Variants in ADGRA3 observed in about 807,000 individuals in gnomAD.
ADGRA3 encodes the protein G-protein coupled receptor 125.
A neutral mutation model predicts 119.8 loss-of-function variants in ADGRA3; 56 were observed. That is an observed-to-expected ratio of 0.47 (90% confidence interval 0.38 to 0.58). The LOEUF is 0.58. Among genes scored for constraint, ADGRA3 ranks in the 20% least tolerant of loss-of-function variants. The pLI is 0.00. For synonymous variants in ADGRA3, 607 were observed against 623.8 expected (o/e 0.97, Z 0.40); for missense variants, 1,516 against 1,649.0 (o/e 0.92, Z 1.40).
At chr4:22,435,205 G>C in intron 10 of ADGRA3, 106 bp downstream of exon 10, 1 of 955,748 alleles carries the variant, frequency 1.0e-6, no homozygotes, top group Non-Finnish European at 1.6e-6. Flanking sequence ...CATGCTTTTA[G>C]CTCAAATATG....
chr4:22,482,583 C>G (rs1340800171), intron 1 of ADGRA3, among the ~76,000 whole-genome samples: 2 of 151,870 alleles, frequency 1.3e-5, no homozygotes, highest in Non-Finnish European at 2.9e-5. Context: ...GAGGATTGCT[C>G]AAGCCCAGGG....
At chr4:22,388,992 C>T (rs1009552558) in intron 18 of ADGRA3, 45 bp from the exon 19 acceptor site, 1 of 1,603,696 alleles carries the variant, frequency 6.2e-7, no homozygotes, top group Non-Finnish European at 8.5e-7. Context: ...CATGTTTCAA[C>T]AAATTATCTA....
At position 22,388,802 on chromosome 4, in the gene ADGRA3, C is replaced by A; in HGVS notation, c.2869G>T (p.Glu957Ter). ...TTGGCTGCCAATCTCTGTTGCTCCT[C>A]CGTGGGCTCCTTAAGCTCATATTTG... The part of the protein sequence containing the change: ...ERKYELKEPT[E>*]EQQRLAANEN... The change falls in exon 19 of 19, where the codon GAG becomes TAG. Residue 957 changes from glutamate to a stop codon, truncating the protein, a stop_gained. Transcript: ENST00000334304. LOFTEE classifies it high-confidence loss of function. The A allele has an allele frequency of 6.2e-7, 1 of 1,614,096 alleles. No homozygotes were observed. The highest frequency in any genetic ancestry group is 1.1e-5 in the South Asian group (1 of 91,074).
rs1038632561 is a variant in ADGRA3 at position 22,509,553 on chromosome 4, T to G, written c.257+5975A>C. 3.3e-5 allele frequency among the ~76,000 whole-genome samples: 5 copies of G among 151,102 alleles called. No homozygotes were observed. In the East Asian group the frequency reaches 9.8e-4, roughly 30 times the overall value. On this transcript the variant is annotated intron_variant, in intron 1 of 18. Transcript: ENST00000334304. ...AAAAAAGCATGCAGTTCACTCAGCA[T>G]CTTCACTTAGCACCTTCCCCCGTAG... is the stretch of plus-strand genomic sequence containing the variant.
chr4:22,473,680 G>T, intron 2 of ADGRA3, 92 bp downstream of exon 2: 1 of 702,920 alleles, frequency 1.4e-6, no homozygotes, highest in East Asian at 2.9e-5. Flanking sequence ...ATTTTGAATA[G>T]CTGGGAATTT....
intron 4 of ADGRA3, among the ~76,000 whole-genome samples, chr4:22,450,952 ATAT>A (rs1159656728): frequency 9.9e-5 from 11 of 111,584 alleles, no homozygotes; most frequent in African/African-American, 4.2e-4. Context: ...AAAAAAAAAA[ATAT>A]ATATATATAT....
At position 22,498,305 on chromosome 4, in the gene ADGRA3, C is replaced by T. The variant is rs188731334; in HGVS notation, c.257+17223G>A. On this transcript the variant is annotated intron_variant, in intron 1 of 18. Coordinates refer to ENST00000334304, the MANE Select transcript of ADGRA3 (RefSeq NM_145290.4). The stretch of plus-strand genomic sequence containing the variant: ...AGTGTTCAGATCCTAAAGACAGGAA[C>T]TCAGGGACAAAAAAAGAAAACCAGT... Among the ~76,000 whole-genome samples the T allele has an allele frequency of 1.4e-4, 21 of 151,960 alleles. No homozygotes were observed. The East Asian group carries it at 3.7e-3, about 27-fold the overall frequency.
chr4:22,457,018 A>G (rs1298529842), intron 3 of ADGRA3, among the ~76,000 whole-genome samples: 1 of 152,208 alleles, frequency 6.6e-6, no homozygotes, highest in Non-Finnish European at 1.5e-5. Context: ...ATAAACAAGC[A>G]TATCTAGGCT....
chr4:22,433,986 T>G (rs16898697), intron 10 of ADGRA3, among the ~76,000 whole-genome samples: 1,914 of 152,182 alleles, frequency 0.013, 41 homozygotes, highest in African/African-American at 0.043. Flanking sequence ...AGGTGGCCTA[T>G]TTGCCTAAGT....
intron 2 of ADGRA3, 80 bp downstream of exon 2, chr4:22,473,692 G>T: frequency 1.2e-6 from 1 of 801,718 alleles, no homozygotes; most frequent in Non-Finnish European, 1.9e-6. Flanking sequence ...TGGGAATTTA[G>T]TCACAGATTT....
At chr4:22,510,072 G>C (rs1012495761) in intron 1 of ADGRA3, among the ~76,000 whole-genome samples, 13 of 149,724 alleles carry the variant, frequency 8.7e-5, no homozygotes, top group Non-Finnish European at 1.6e-4. Flanking sequence ...CCCAAGCTTA[G>C]AACTCCAAAC....
At chr4:22,412,939 T>C (rs1027723714) in intron 14 of ADGRA3, among the ~76,000 whole-genome samples, 1 of 152,148 alleles carries the variant, frequency 6.6e-6, no homozygotes, top group African/African-American at 2.4e-5. Flanking sequence ...GATTGACTTA[T>C]AAAGTTGATT....
chr4:22,487,748 ACCTG>A (rs1380796758), intron 1 of ADGRA3, among the ~76,000 whole-genome samples: 7 of 152,296 alleles, frequency 4.6e-5, no homozygotes, highest in African/African-American at 1.7e-4. Context: ...GGCAAGCACT[ACCTG>A]CCAAATAAAA....
intron 1 of ADGRA3, among the ~76,000 whole-genome samples, chr4:22,489,744 A>C (rs1229468137): frequency 6.6e-6 from 1 of 152,186 alleles, no homozygotes; most frequent in East Asian, 1.9e-4. Flanking sequence ...AGATTTGGTG[A>C]ATGGGGGAGA....
chr4:22,407,929 T>C (rs1027025425), intron 14 of ADGRA3, among the ~76,000 whole-genome samples: 7 of 152,108 alleles, frequency 4.6e-5, no homozygotes, highest in African/African-American at 1.4e-4. Context: ...TGGAAAGGAA[T>C]CCAAAGAAAA....
chr4:22,416,592 T>C (rs530717854), intron 12 of ADGRA3, among the ~76,000 whole-genome samples: 1 of 152,192 alleles, frequency 6.6e-6, no homozygotes, highest in East Asian at 1.9e-4. Flanking sequence ...GAACTGTCGG[T>C]GGTATTTTTT....
intron 1 of ADGRA3, among the ~76,000 whole-genome samples, chr4:22,491,052 G>A (rs955922586): frequency 6.6e-6 from 1 of 152,146 alleles, no homozygotes; most frequent in Non-Finnish European, 1.5e-5. Context: ...GCAGGCAGAC[G>A]TTCTGGGTGT....
chr4:22,455,691 G>T, intron 3 of ADGRA3: 2 of 422,262 alleles, frequency 4.7e-6, no homozygotes, highest in African/African-American at 2.0e-5. Flanking sequence ...TATTTACTTT[G>T]CTTGACATCA....
intron 2 of ADGRA3, among the ~76,000 whole-genome samples, chr4:22,465,473 T>C (rs1717621416): frequency 6.6e-6 from 1 of 152,194 alleles, no homozygotes; most frequent in Non-Finnish European, 1.5e-5. Context: ...ACGGCCCTGT[T>C]GCTACAATCT....
Sources: gnomAD v4.1 joint callset for allele counts (sites outside exome capture counted in the v4.1 genomes callset) on GRCh38, gnomAD v4.1.1 for gene constraint, MANE v1.5 for transcripts, NCBI Gene and HGNC (gene_info 2026-07-23, HGNC 2026-07-21) for gene names.